Variants in DGKB observed in about 807,000 individuals in gnomAD.
DGKB encodes 90 kDa diacylglycerol kinase.
In DGKB, 67 loss-of-function variants were observed where a neutral mutation model predicts 114.3. That is an observed-to-expected ratio of 0.59 (90% CI 0.48 to 0.72). DGKB has a LOEUF of 0.72. Among genes scored for constraint, DGKB ranks in the 30% least tolerant of loss-of-function variants. The probability of loss-of-function intolerance (pLI) is 0.00; values close to 1 mark genes in which losing one functional copy is unlikely to be tolerated. For missense variants in DGKB, 907 were observed against 975.2 expected (o/e 0.93, Z 0.93); for synonymous variants, 398 against 323.1 (o/e 1.23, Z -2.49).
chr7:14,418,442 G>A (rs1826141843), intron 21 of DGKB, among the ~76,000 whole-genome samples: 2 of 120,860 alleles, frequency 1.7e-5, no homozygotes, highest in South Asian at 6.0e-4. Flanking sequence ...TTATGGCAGA[G>A]TGTAAAATAG....
intron 21 of DGKB, among the ~76,000 whole-genome samples, chr7:14,460,669 C>A (rs1181646210): frequency 2.0e-5 from 3 of 152,058 alleles, no homozygotes; most frequent in Non-Finnish European, 4.4e-5. Flanking sequence ...GACTTGAACA[C>A]CCCACTGTCA....
intron 2 of DGKB, among the ~76,000 whole-genome samples, chr7:14,779,147 C>A (rs538689484): frequency 6.6e-6 from 1 of 152,072 alleles, no homozygotes; most frequent in Non-Finnish European, 1.5e-5. Flanking sequence ...CAGAGTGAGA[C>A]TCCATCTCAA....
chr7:14,596,495 T>TA (rs1802602133), intron 17 of DGKB, among the ~76,000 whole-genome samples: 1 of 152,226 alleles, frequency 6.6e-6, no homozygotes, highest in Non-Finnish European at 1.5e-5. Flanking sequence ...GCAATGGGGA[T>TA]ATGCCTGGAA....
chr7:14,615,154 T>C lies in DGKB; in HGVS notation c.1285-1741A>G, dbSNP rs965227071. ...ATTTTAGTTGACTTTTTAGTCAATT[T>C]GAACTGTTTCTACTGGTTTTTAAGT... On this transcript the variant is annotated intron_variant, in intron 15 of 25. Coordinates refer to ENST00000402815, the MANE Select transcript of DGKB (RefSeq NM_001350709.2). Among the ~76,000 whole-genome samples the C allele has an allele frequency of 2.6e-5, 4 of 152,058 alleles. No individual in the cohort carries two copies. The East Asian group carries it at 5.8e-4, about 22-fold the overall frequency.
rs183230811 is a variant in DGKB, at chr7:14,200,276, C to A, written c.2123-22125G>T. Among the ~76,000 whole-genome samples the A allele has an allele frequency of 5.7e-4, 87 of 152,056 alleles. No homozygotes were observed. The East Asian group carries it at 0.011, about 20-fold the overall frequency. ...TACTATGAGGCAGCAATGAGAGAAT[C>A]AAAAAATTACATGGTGTGGCCCCCA... On this transcript the variant is annotated intron_variant, in intron 23 of 25. Transcript: ENST00000402815.
At chr7:14,227,302 G>C (rs1234144446) in intron 23 of DGKB, among the ~76,000 whole-genome samples, 1 of 151,976 alleles carries the variant, frequency 6.6e-6, no homozygotes, top group African/African-American at 2.4e-5. Flanking sequence ...AATTGAACTA[G>C]ATTCACACTT....
At chr7:14,255,035 T>TA (rs1260076222) in intron 23 of DGKB, among the ~76,000 whole-genome samples, 2 of 152,020 alleles carry the variant, frequency 1.3e-5, no homozygotes, top group African/African-American at 4.8e-5. Context: ...AGTAACGATA[T>TA]AAAAAATTCA....
rs1342218907 is a variant in DGKB at position 14,573,384 on chromosome 7, C to A, written c.1770+828G>T. ...TGAGATTAAATAATTTGCTTAAAGACTTTTACCCAGGTAGCTTACCTCTTA... is the reference window on the plus strand; with the variant it reads ...TGAGATTAAATAATTTGCTTAAAGAATTTTACCCAGGTAGCTTACCTCTTA... On this transcript the variant is annotated intron_variant, in intron 20 of 25. Transcript: ENST00000402815. Among the ~76,000 whole-genome samples, 4 of 151,974 alleles carry A rather than the reference C, an allele frequency of 2.6e-5. No individual in the cohort carries two copies. The East Asian group carries it at 7.7e-4, about 29-fold the overall frequency.
intron 20 of DGKB, among the ~76,000 whole-genome samples, chr7:14,521,321 T>A (rs755296905): frequency 3.3e-5 from 5 of 152,154 alleles, no homozygotes; most frequent in Non-Finnish European, 7.4e-5. Flanking sequence ...CAACTCACTA[T>A]TCAAAAAATG....
At chr7:14,796,755 A>C (rs1184532702) in intron 2 of DGKB, among the ~76,000 whole-genome samples, 4 of 152,144 alleles carry the variant, frequency 2.6e-5, no homozygotes, top group African/African-American at 4.8e-5. Context: ...GCTTTTGCAA[A>C]AAATCTCCCA....
chr7:14,281,794 A>G (rs1394395744), intron 23 of DGKB, among the ~76,000 whole-genome samples: 2 of 151,518 alleles, frequency 1.3e-5, no homozygotes, highest in African/African-American at 4.8e-5. Flanking sequence ...GCAGAAATAA[A>G]GATGTTCTTT....
chr7:14,369,627 A>C (rs533590171), intron 21 of DGKB, among the ~76,000 whole-genome samples: 7 of 152,294 alleles, frequency 4.6e-5, no homozygotes, highest in Non-Finnish European at 8.8e-5. Context: ...CTGGCATGAG[A>C]TGGTATCCCA....
intron 23 of DGKB, among the ~76,000 whole-genome samples, chr7:14,244,585 G>A (rs1034552417): frequency 1.3e-5 from 2 of 149,476 alleles, no homozygotes; most frequent in Non-Finnish European, 3.0e-5. Context: ...CAGGGGAATC[G>A]CTTGAATCTG....
chr7:14,539,529 T>G (rs969463102), intron 20 of DGKB, among the ~76,000 whole-genome samples: 1 of 152,174 alleles, frequency 6.6e-6, no homozygotes, highest in South Asian at 2.1e-4. Context: ...AATCATGTGG[T>G]ATGCAAATTA....
chr7:14,436,490 C>A (rs116759808), intron 21 of DGKB, among the ~76,000 whole-genome samples: 10 of 151,654 alleles, frequency 6.6e-5, no homozygotes, highest in African/African-American at 1.7e-4. Flanking sequence ...GCATTTCTGA[C>A]CCCCTGGACA....
At chr7:14,685,150 A>T (rs1333251702) in intron 10 of DGKB, 95 bp downstream of exon 10, 12 of 764,276 alleles carry the variant, frequency 1.6e-5, no homozygotes, top group Non-Finnish European at 2.3e-5. Flanking sequence ...AGTCCAGATC[A>T]GATCTTAGGT....
intron 21 of DGKB, among the ~76,000 whole-genome samples, chr7:14,392,051 G>A (rs1009300369): frequency 6.6e-6 from 1 of 152,004 alleles, no homozygotes; most frequent in East Asian, 1.9e-4. Context: ...TACATTTCAT[G>A]TGTTTTCCAA....
At chr7:14,713,873 TTAAA>T (rs1330344199) in intron 6 of DGKB, among the ~76,000 whole-genome samples, 2 of 152,220 alleles carry the variant, frequency 1.3e-5, no homozygotes, top group East Asian at 3.9e-4. Flanking sequence ...AAAATTCTTG[TTAAA>T]TAATTGATAA....
At chr7:14,527,589 T>C (rs1790847917) in intron 20 of DGKB, among the ~76,000 whole-genome samples, 1 of 152,110 alleles carries the variant, frequency 6.6e-6, no homozygotes, top group Admixed American at 6.6e-5. Context: ...CATACTTGAC[T>C]CTATATAAAT....
Sources: gnomAD v4.1 joint callset for allele counts (sites outside exome capture counted in the v4.1 genomes callset) on GRCh38, gnomAD v4.1.1 for gene constraint, MANE v1.5 for transcripts, NCBI Gene and HGNC (gene_info 2026-07-23, HGNC 2026-07-21) for gene names.